Variants in KCNMA1 observed in about 807,000 individuals in gnomAD.
The protein encoded by KCNMA1 is potassium calcium-activated channel subfamily M alpha 1, also known as Calcium-activated potassium channel subunit alpha-1.
KCNMA1 carries 29 observed loss-of-function variants against 140.0 expected under a neutral mutation model. The observed-to-expected ratio is 0.21, with a 90% CI of 0.15 to 0.28. The LOEUF is 0.28. KCNMA1 is among the 10% of genes least tolerant of loss of function. KCNMA1 has a pLI of 1.00. For synonymous variants in KCNMA1, 612 were observed against 611.9 expected (o/e 1.00, Z 0.00); for missense variants, 880 against 1,602.2 (o/e 0.55, Z 7.70).
chr10:77,237,578 C>T (rs1377803993), intron 3 of KCNMA1, among the ~76,000 whole-genome samples: 4 of 152,170 alleles, frequency 2.6e-5, no homozygotes, highest in Admixed American at 2.6e-4. Context: ...CCACCTCAGG[C>T]TCTTGAGTAG....
intron 3 of KCNMA1, among the ~76,000 whole-genome samples, chr10:77,244,631 T>G (rs982662402): frequency 6.6e-6 from 1 of 152,188 alleles, no homozygotes; most frequent in Non-Finnish European, 1.5e-5. Flanking sequence ...CAAGGACATA[T>G]AAAGAAGTTG....
chr10:77,473,377 G>C (rs903012536), intron 1 of KCNMA1, among the ~76,000 whole-genome samples: 4 of 152,106 alleles, frequency 2.6e-5, no homozygotes, highest in African/African-American at 9.7e-5. Context: ...TGATGAACTG[G>C]GGGCCCCAGC....
chr10:76,982,842 T>C (rs2079978894), intron 19 of KCNMA1, among the ~76,000 whole-genome samples: 1 of 152,186 alleles, frequency 6.6e-6, no homozygotes. Flanking sequence ...CATTCATGCA[T>C]GGAAATAAAG....
At chr10:77,349,107 C>A (rs1030611843) in intron 2 of KCNMA1, among the ~76,000 whole-genome samples, 7 of 152,154 alleles carry the variant, frequency 4.6e-5, no homozygotes, top group African/African-American at 1.7e-4. Flanking sequence ...CCTGCCCACC[C>A]CCAATTCATA....
chr10:77,107,937 G>A (rs1008531568), intron 9 of KCNMA1, among the ~76,000 whole-genome samples: 1 of 152,150 alleles, frequency 6.6e-6, no homozygotes, highest in Non-Finnish European at 1.5e-5. Context: ...ACCACCATAG[G>A]AGGGCATCAT....
rs552523445 is a variant in KCNMA1 at position 77,297,378 on chromosome 10, T to C, written c.541-46122A>G. 2.6e-5 allele frequency among the ~76,000 whole-genome samples: 4 copies of C among 152,310 alleles called. No homozygotes were observed. In the East Asian group the frequency reaches 7.7e-4, roughly 29 times the overall value. On this transcript the variant is annotated intron_variant, in intron 2 of 27. Coordinates refer to ENST00000286628, the MANE Select transcript of KCNMA1 (RefSeq NM_001161352.2). The stretch of plus-strand genomic sequence containing the variant: ...TGAGATTTTTAAAGAGCTAAAGATA[T>C]AACAGAAAAAGCCTCAATGGAAATT...
At chr10:77,317,820 C>G (rs1043238054) in intron 2 of KCNMA1, among the ~76,000 whole-genome samples, 1 of 152,188 alleles carries the variant, frequency 6.6e-6, no homozygotes. Context: ...GCAATCAGAT[C>G]TGGCTGGCAC....
intron 2 of KCNMA1, among the ~76,000 whole-genome samples, chr10:77,347,813 A>G (rs1012216002): frequency 2.6e-4 from 39 of 152,238 alleles, no homozygotes; most frequent in African/African-American, 8.4e-4. Flanking sequence ...TAACATAATA[A>G]TAGCTACCAT....
chr10:76,897,771 C>G (rs1188161403), intron 25 of KCNMA1, among the ~76,000 whole-genome samples: 2 of 151,690 alleles, frequency 1.3e-5, no homozygotes, highest in Admixed American at 6.6e-5. Flanking sequence ...AATGACAAAA[C>G]TAGCTATTAA....
chr10:77,266,249 T>C (rs1388500104), intron 2 of KCNMA1, among the ~76,000 whole-genome samples: 1 of 152,078 alleles, frequency 6.6e-6, no homozygotes, highest in Non-Finnish European at 1.5e-5. Context: ...TCCTTTATCA[T>C]TAGAAAGAAA....
chr10:77,020,984 A>G (rs751944977), intron 16 of KCNMA1: 3 of 152,198 alleles, frequency 2.0e-5, no homozygotes, highest in Non-Finnish European at 2.9e-5. Flanking sequence ...AGAAGGCTCA[A>G]TGCATGTGGG....
At chr10:77,150,473 A>G (rs12359688) in intron 5 of KCNMA1, among the ~76,000 whole-genome samples, 66,490 of 152,076 alleles carry the variant, frequency 0.44, 15,258 homozygotes, top group Non-Finnish European at 0.49. Context: ...ATTACATGGT[A>G]AGTTCTTTTC....
intron 14 of KCNMA1, among the ~76,000 whole-genome samples, chr10:77,072,380 G>C (rs1361270044): frequency 6.6e-6 from 1 of 152,168 alleles, no homozygotes; most frequent in Non-Finnish European, 1.5e-5. Flanking sequence ...GCAAGGCTCT[G>C]GAAACACAAT....
At chr10:77,236,766 T>C (rs903654039) in intron 3 of KCNMA1, among the ~76,000 whole-genome samples, 4 of 152,250 alleles carry the variant, frequency 2.6e-5, no homozygotes, top group African/African-American at 7.2e-5. Flanking sequence ...TGAACTTCTC[T>C]AGCTATATTT....
At chr10:77,441,783 C>A (rs1402184099) in intron 1 of KCNMA1, among the ~76,000 whole-genome samples, 1 of 152,156 alleles carries the variant, frequency 6.6e-6, no homozygotes, top group Non-Finnish European at 1.5e-5. Flanking sequence ...AAGGGCTGAT[C>A]CGCTTAATTA....
rs185745623 is a variant in KCNMA1, at chr10:77,599,569, C to G, written c.378+37696G>C. On this transcript the variant is annotated intron_variant, in intron 1 of 27. Coordinates refer to ENST00000286628, the MANE Select transcript of KCNMA1 (RefSeq NM_001161352.2). The stretch of plus-strand genomic sequence containing the variant: ...GGGATTGCATCTCATGTCTATCTAT[C>G]AGGAATAAGGTTTGCTAGAGATTTC... Among the ~76,000 whole-genome samples the G allele has an allele frequency of 2.1e-3, 315 of 152,244 alleles. 2 individuals are homozygous for G. Among genetic ancestry groups the G allele is most frequent in the Non-Finnish European group, 3.0e-3 (202 of 68,014 alleles).
intron 19 of KCNMA1, among the ~76,000 whole-genome samples, chr10:76,996,594 G>A (rs1270339475): frequency 6.6e-6 from 1 of 152,192 alleles, no homozygotes; most frequent in African/African-American, 2.4e-5. Flanking sequence ...GCACATGTGT[G>A]ATGGATATTG....
chr10:77,206,123 A>G (rs567013485), intron 3 of KCNMA1, among the ~76,000 whole-genome samples: 17 of 152,226 alleles, frequency 1.1e-4, no homozygotes, highest in Non-Finnish European at 2.2e-4. Flanking sequence ...GCGAGAGAAC[A>G]TTTGTTTAAT....
chr10:76,913,739 G>A (rs370483524), intron 24 of KCNMA1: 5 of 292,374 alleles, frequency 1.7e-5, no homozygotes, highest in Admixed American at 4.8e-5. Flanking sequence ...GCGGGAGAGC[G>A]GGGTGACAAA....
Sources: gnomAD v4.1 joint callset for allele counts (sites outside exome capture counted in the v4.1 genomes callset) on GRCh38, gnomAD v4.1.1 for gene constraint, MANE v1.5 for transcripts, NCBI Gene and HGNC (gene_info 2026-07-23, HGNC 2026-07-21) for gene names.